ABCA3: variants seen among roughly 807,000 people sequenced by gnomAD.
ABCA3 encodes the protein phospholipid-transporting ATPase ABCA3.
In ABCA3, 88 loss-of-function variants were observed where a neutral mutation model predicts 172.8. That is an observed-to-expected ratio of 0.51 (90% CI 0.43 to 0.61). The LOEUF (loss-of-function observed/expected upper bound fraction) is 0.61. Among genes scored for constraint, ABCA3 ranks in the 20% least tolerant of loss-of-function variants. ABCA3 has a pLI of 0.00. For missense variants in ABCA3, 2,164 were observed against 2,301.0 expected (o/e 0.94, Z 1.22); for synonymous variants, 1,066 against 983.8 (o/e 1.08, Z -1.56).
intron 1 of ABCA3, among the ~76,000 whole-genome samples, chr16:2,333,730 C>A (rs1321122756): frequency 6.6e-6 from 1 of 151,256 alleles, no homozygotes; most frequent in Non-Finnish European, 1.5e-5. Context: ...ACTCTGTTGC[C>A]CAGGCTGGAC....
chr16:2,280,587 C>T (rs161428), intron 28 of ABCA3, among the ~76,000 whole-genome samples: 19,177 of 152,230 alleles, frequency 0.13, 1,603 homozygotes, highest in Non-Finnish European at 0.18. Context: ...CTTGAATTCC[C>T]ATGCAGGCCC....
intron 10 of ABCA3, among the ~76,000 whole-genome samples, chr16:2,315,203 T>TACACAC (rs377647001): frequency 0.018 from 2,544 of 138,438 alleles, 30 homozygotes; most frequent in Middle Eastern, 0.064. Flanking sequence ...GTATGTATTT[T>TACACAC]ACACACACAC....
intron 8 of ABCA3, 34 bp from the exon 9 acceptor site, chr16:2,317,798 C>T (rs750138242): frequency 3.2e-5 from 51 of 1,593,244 alleles, no homozygotes; most frequent in Middle Eastern, 3.6e-4. Context: ...GCTGGGGGCC[C>T]GTCACTGCCC....
chr16:2,322,372 T>C (rs1276393221), intron 7 of ABCA3, among the ~76,000 whole-genome samples: 1 of 151,938 alleles, frequency 6.6e-6, no homozygotes, highest in Non-Finnish European at 1.5e-5. Flanking sequence ...CTGAAAAGTA[T>C]TTCTTTCTTT....
Position 2,324,413 on chromosome 16 carries a change from C to T in ABCA3, c.438G>A (p.Leu146=). The change falls in exon 6 of 33, where the codon CTG becomes CTA. Residue 146 remains leucine, a synonymous_variant. Coordinates refer to ENST00000301732, the MANE Select transcript of ABCA3 (RefSeq NM_001089.3). ...EHPFNHSKEP[L]PLAVKYHLRF... is the part of the protein sequence containing the mutation. The stretch of plus-strand genomic sequence containing the variant: ...CGGCCGCACGTCTCACCGCCAGCGG[C>T]AGGGGCTCCTTGCTGTGGTTGAAGG... 1 of 1,599,444 alleles carries T rather than the reference C, an allele frequency of 6.3e-7. No individual in the cohort carries two copies. Among genetic ancestry groups the T allele is most frequent in the Non-Finnish European group, 8.5e-7 (1 of 1,177,284 alleles).
chr16:2,328,755 T>C lies in ABCA3; in HGVS notation c.-329A>G, dbSNP rs963299134. 1.0e-5 allele frequency: 3 copies of C among 300,028 alleles called. No homozygotes were observed. Among genetic ancestry groups the C allele is most frequent in the Non-Finnish European group, 2.1e-5 (3 of 146,228 alleles). 18.6% of individuals were successfully genotyped at this position (300,028 alleles called of 1,614,324 possible). The stretch of plus-strand genomic sequence containing the variant: ...GTTCAGTTGCTCAGCTCCACACTCA[T>C]GGCTGATCCAAACCCAACATCATCC... On this transcript the variant is annotated splice_region_variant and 5_prime_UTR_variant, in exon 3 of 33. It removes an upstream start codon present in the reference 5' UTR. Transcript: ENST00000301732.
In ABCA3 at chr16:2,279,050, G is replaced by A. The variant is rs367951064; in HGVS notation, c.4440C>T (p.Tyr1480=). ...GCTCAGGGATGCCCCGGAGCCGAGC[G>A]TACATGACCAGCATCTCCCGGCCTG... The part of the protein sequence containing the change: ...HMTGREMLVM[Y]ARLRGIPERH... Residue 1480 remains tyrosine (Y), a synonymous_variant, in exon 29 of 33, where the codon TAC becomes TAT. Coordinates refer to ENST00000301732, the MANE Select transcript of ABCA3 (RefSeq NM_001089.3). The surrounding 1 kb of genome is among the most constrained non-coding windows in gnomAD (Gnocchi z 4.4). The A allele has an allele frequency of 1.1e-5, 18 of 1,613,350 alleles. No individual in the cohort carries two copies. Among genetic ancestry groups the A allele is most frequent in the South Asian group, 7.7e-5 (7 of 91,078 alleles).
At position 2,335,302 on chromosome 16, in the gene ABCA3, ATTTG is replaced by A. The variant is rs544676061; in HGVS notation, c.-539+5267_-539+5270del. ...AAATGTGAAAAAAATGGCTTCACTG[ATTTG>A]TTTGTTTGTTTGTTTGTTTCCTGTA... On this transcript the variant is annotated intron_variant, in intron 1 of 32. Coordinates refer to ENST00000301732, the MANE Select transcript of ABCA3 (RefSeq NM_001089.3). Among the ~76,000 whole-genome samples the A allele has an allele frequency of 1.3e-3, 197 of 152,024 alleles. 1 individual carries two copies. The highest frequency in any genetic ancestry group is 1.8e-3 in the Admixed American group (28 of 15,264).
chr16:2,338,628 T>C (rs1180576976), intron 1 of ABCA3, among the ~76,000 whole-genome samples: 1 of 152,162 alleles, frequency 6.6e-6, no homozygotes, highest in African/African-American at 2.4e-5. Flanking sequence ...CTGTTGCACC[T>C]TTTCTGGATG....
intron 2 of ABCA3, among the ~76,000 whole-genome samples, 187 bp downstream of exon 2, chr16:2,329,461 C>T (rs1214150378): frequency 2.0e-5 from 3 of 152,158 alleles, no homozygotes; most frequent in Non-Finnish European, 4.4e-5. Flanking sequence ...AATATAAAAC[C>T]GTCACAGTTC....
intron 10 of ABCA3, among the ~76,000 whole-genome samples, chr16:2,316,310 A>G (rs2093715426): frequency 1.8e-5 from 2 of 110,518 alleles, no homozygotes; most frequent in Non-Finnish European, 3.7e-5. Context: ...GGCAGTCTCA[A>G]AAAAAAAAAA....
intron 2 of ABCA3, among the ~76,000 whole-genome samples, chr16:2,329,217 C>G (rs542016580): frequency 5.3e-5 from 8 of 152,084 alleles, no homozygotes; most frequent in Non-Finnish European, 1.2e-4. Flanking sequence ...TATCCCAATT[C>G]TTTTAAAATT....
At chr16:2,322,066 T>C (rs921675273) in intron 7 of ABCA3, among the ~76,000 whole-genome samples, 7 of 151,858 alleles carry the variant, frequency 4.6e-5, no homozygotes, top group Non-Finnish European at 1.0e-4. Context: ...GGCGTGGTGG[T>C]GTGCGCCTGT....
rs1035320974 is a variant in ABCA3 at position 2,340,574 on chromosome 16, G to A, written c.-540C>T. 5.4e-5 allele frequency: 8 copies of A among 148,714 alleles called. No homozygotes were observed. Among genetic ancestry groups the A allele is most frequent in the African/African-American group, 1.9e-4 (8 of 41,060 alleles). 9.2% of individuals were successfully genotyped at this position (148,714 alleles called of 1,614,324 possible). On this transcript the variant is annotated splice_region_variant and 5_prime_UTR_variant, in exon 1 of 33. Coordinates refer to ENST00000301732, the MANE Select transcript of ABCA3 (RefSeq NM_001089.3). ...GCGGCGGGTCCCGGCGGCACTCACCGAGCCTGGGCGCCGGGGCGGCGGCGG... is the reference window on the plus strand; with the variant it reads ...GCGGCGGGTCCCGGCGGCACTCACCAAGCCTGGGCGCCGGGGCGGCGGCGG...
Position 2,289,415 on chromosome 16 carries a change from C to T in ABCA3, c.2700+19G>A, listed in dbSNP as rs1177270104. ...GCTCGCCCTTCCCCCGCCACCCGCC[C>T]ACCCACCTGGGCACTCACCCCAGTG... On this transcript the variant is annotated intron_variant, in intron 20 of 32. Coordinates refer to ENST00000301732, the MANE Select transcript of ABCA3 (RefSeq NM_001089.3). The T allele has an allele frequency of 6.4e-7, 1 of 1,568,186 alleles. No homozygotes were observed. The highest frequency in any genetic ancestry group is 2.3e-5 in the East Asian group (1 of 43,592).
chr16:2,339,517 G>C (rs2093757134), intron 1 of ABCA3, among the ~76,000 whole-genome samples: 1 of 152,164 alleles, frequency 6.6e-6, no homozygotes, highest in African/African-American at 2.4e-5. Flanking sequence ...TTCTAAAACA[G>C]TCTTAGTCTT....
At chr16:2,292,722 C>T (rs767871165) in intron 18 of ABCA3, among the ~76,000 whole-genome samples, 2 of 152,132 alleles carry the variant, frequency 1.3e-5, no homozygotes, top group Non-Finnish European at 2.9e-5. Flanking sequence ...GAGTTCGAGA[C>T]CAGCCTGAGC....
chr16:2,303,273 T>C (rs2093692358), intron 12 of ABCA3, among the ~76,000 whole-genome samples: 1 of 151,488 alleles, frequency 6.6e-6, no homozygotes, highest in African/African-American at 2.4e-5. Context: ...TCTTTTTTTT[T>C]TTTTTTTGAG....
intron 18 of ABCA3, 31 bp from the exon 19 acceptor site, chr16:2,292,269 T>G (rs370409304): frequency 2.8e-5 from 44 of 1,568,972 alleles, no homozygotes; most frequent in Non-Finnish European, 3.6e-5. Context: ...TATGAGTCAC[T>G]TCTCAGTGAC....
Sources: gnomAD v4.1 joint callset for allele counts (sites outside exome capture counted in the v4.1 genomes callset) on GRCh38, gnomAD v4.1.1 for gene constraint, Gnocchi (gnomAD v3.1) non-coding constraint, MANE v1.5 for transcripts, NCBI Gene and HGNC (gene_info 2026-07-23, HGNC 2026-07-21) for gene names.